Variants in EML1 observed in about 807,000 individuals in gnomAD.
EML1 encodes the protein echinoderm microtubule-associated protein-like 1.
Under a neutral mutation model 110.4 loss-of-function variants are expected in EML1, and 27 were observed. That is an observed-to-expected ratio of 0.24 (90% confidence interval 0.18 to 0.34). The LOEUF is 0.34. EML1 is among the 10% of genes least tolerant of loss of function. The probability of loss-of-function intolerance (pLI) is 1.00; values close to 1 mark genes in which losing one functional copy is unlikely to be tolerated. For missense variants in EML1, 741 were observed against 1,030.9 expected, an observed-to-expected ratio of 0.72 and a Z score of 3.85; for synonymous variants, 344 against 385.8, an observed-to-expected ratio of 0.89 and a Z score of 1.27.
chr14:99,933,822 G>A (rs1382796154), intron 17 of EML1, among the ~76,000 whole-genome samples: 5 of 152,224 alleles, frequency 3.3e-5, no homozygotes, highest in African/African-American at 7.2e-5. Context: ...GGCCGGGCAC[G>A]GTGGCTCACG....
intron 1 of EML1, among the ~76,000 whole-genome samples, chr14:99,744,806 A>G (rs886132995): frequency 3.3e-5 from 5 of 152,246 alleles, no homozygotes; most frequent in African/African-American, 1.2e-4. Flanking sequence ...AACCTTAGCC[A>G]GAAATATCTT....
chr14:99,931,383 G>A (rs2060364840), intron 17 of EML1, among the ~76,000 whole-genome samples: 1 of 152,196 alleles, frequency 6.6e-6, no homozygotes, highest in East Asian at 1.9e-4. Context: ...CATCTGCAGA[G>A]CAAGTCTAAT....
At chr14:99,742,590 G>A (rs533506445) in intron 1 of EML1, among the ~76,000 whole-genome samples, 8 of 152,110 alleles carry the variant, frequency 5.3e-5, no homozygotes, top group Non-Finnish European at 1.2e-4. Flanking sequence ...AGTGGAGGCT[G>A]AGCCTGATAC....
chr14:99,796,599 C>A (rs577686085), intron 1 of EML1, among the ~76,000 whole-genome samples: 2 of 150,978 alleles, frequency 1.3e-5, no homozygotes, highest in East Asian at 3.9e-4. Context: ...CTCAAGCAGT[C>A]CTACCTCAGT....
chr14:99,877,040 G>A (rs768298698), intron 3 of EML1, among the ~76,000 whole-genome samples: 1 of 152,170 alleles, frequency 6.6e-6, no homozygotes, highest in Admixed American at 6.5e-5. Flanking sequence ...TTGGGTTGCT[G>A]TAACAAAGTC....
intron 1 of EML1, chr14:99,839,202 G>C (rs2058594855): frequency 6.6e-6 from 1 of 152,126 alleles, no homozygotes; most frequent in Non-Finnish European, 1.5e-5. Flanking sequence ...TAACGGGCCT[G>C]AAGTTGTGTT....
intron 1 of EML1, among the ~76,000 whole-genome samples, chr14:99,744,514 C>G (rs190930813): frequency 1.4e-4 from 22 of 152,320 alleles, no homozygotes; most frequent in African/African-American, 4.3e-4. Context: ...GTCTGCACCC[C>G]TTTCATTGAG....
At chr14:99,896,086 A>C (rs1223506205) in intron 6 of EML1, among the ~76,000 whole-genome samples, 1 of 152,068 alleles carries the variant, frequency 6.6e-6, no homozygotes, top group African/African-American at 2.4e-5. Context: ...TTAATTGTTG[A>C]TTATTTTTCC....
intron 11 of EML1, among the ~76,000 whole-genome samples, chr14:99,909,859 G>A (rs2059917560): frequency 6.6e-6 from 1 of 152,100 alleles, no homozygotes; most frequent in African/African-American, 2.4e-5. Flanking sequence ...TTTTCCCGGG[G>A]GTCCATCTGC....
upstream of EML1, among the ~76,000 whole-genome samples, chr14:99,772,267 C>G (rs897762291): frequency 2.0e-5 from 3 of 152,238 alleles, no homozygotes; most frequent in Admixed American, 6.5e-5. Context: ...TTTTAATATG[C>G]CTTGCAAACT....
At chr14:99,834,433 C>G (rs2058507814) in intron 1 of EML1, among the ~76,000 whole-genome samples, 1 of 152,028 alleles carries the variant, frequency 6.6e-6, no homozygotes. Context: ...TCCTGAGTAG[C>G]TGGGACTACA....
At chr14:99,828,609 A>T (rs2058399018) in intron 1 of EML1, among the ~76,000 whole-genome samples, 1 of 152,192 alleles carries the variant, frequency 6.6e-6, no homozygotes, top group Non-Finnish European at 1.5e-5. Flanking sequence ...ATATATATAC[A>T]CTTGACCCTT....
chr14:99,917,958 A>G, intron 16 of EML1, 109 bp downstream of exon 16: 1 of 1,104,342 alleles, frequency 9.1e-7, no homozygotes, highest in East Asian at 2.4e-5. Flanking sequence ...TACATGTTCG[A>G]AGCTTCTAAT....
At chr14:99,894,468 A>T (rs916494789) in intron 5 of EML1, 161 bp from the exon 6 acceptor site, 79 of 905,494 alleles carry the variant, frequency 8.7e-5, no homozygotes, top group Admixed American at 4.1e-4. Context: ...TTTGTTTCAA[A>T]CTGTTTATTT....
rs1416345993 is a variant in EML1, at chr14:99,784,066, T to C, written c.-27+10053T>C. Among the ~76,000 whole-genome samples the C allele has an allele frequency of 6.6e-6, 1 of 152,206 alleles. No homozygotes were observed. The highest frequency in any genetic ancestry group is 2.4e-5 in the African/African-American group (1 of 41,456). The stretch of plus-strand genomic sequence containing the variant: ...AATTAGAGACAATCACAACATCAAG[T>C]TTCCTAAATGTAAGGACTTTTTCTT... On this transcript the variant is annotated intron_variant, in intron 1 of 22. Coordinates refer to the EML1 transcript ENST00000327921. The surrounding 1 kb of genome is among the most constrained non-coding windows in gnomAD (Gnocchi z 4.5).
chr14:99,903,583 T>C (rs1327571085), intron 9 of EML1, among the ~76,000 whole-genome samples: 1 of 152,136 alleles, frequency 6.6e-6, no homozygotes, highest in Non-Finnish European at 1.5e-5. Flanking sequence ...CACTAAGTCA[T>C]ATCAGAATTA....
At position 99,898,425 on chromosome 14, in the gene EML1, C is replaced by A. The variant is rs1271088547; in HGVS notation, c.897+123C>A. On this transcript the variant is annotated intron_variant, in intron 8 of 21. Coordinates refer to ENST00000262233, the MANE Select transcript of EML1 (RefSeq NM_004434.3). Reference sequence around the variant, plus strand: ...ATTATGGTATCTGAAAACTTCTGAACCCCTCACTAGAATTTTTTATTGTAA... The same window carrying A: ...ATTATGGTATCTGAAAACTTCTGAAACCCTCACTAGAATTTTTTATTGTAA... The A allele has an allele frequency of 5.5e-6, 5 of 904,600 alleles. No individual in the cohort carries two copies. In the East Asian group the frequency reaches 1.1e-4, roughly 20 times the overall value. 56.0% of individuals were successfully genotyped at this position (904,600 alleles called of 1,614,324 possible). A position where few individuals can be genotyped will look rare whatever the true frequency, so the allele number is the denominator to read the frequency against.
intron 17 of EML1, among the ~76,000 whole-genome samples, chr14:99,935,610 C>T (rs1193298045): frequency 2.0e-5 from 3 of 152,026 alleles, no homozygotes; most frequent in African/African-American, 4.8e-5. Flanking sequence ...GTTGAAACCT[C>T]GTCTCTACCG....
In EML1 at chr14:99,911,474, T is replaced by C. The variant is rs768999249; in HGVS notation, c.1392T>C (p.Phe464=). 5 of 1,612,358 alleles carry C rather than the reference T, an allele frequency of 3.1e-6. No homozygotes were observed. The highest frequency in any genetic ancestry group is 4.2e-6 in the Non-Finnish European group (5 of 1,179,818). The change falls in exon 13 of 22, where the codon TTT becomes TTC. Residue 464 remains phenylalanine (F), a synonymous_variant. Coordinates refer to ENST00000262233, the MANE Select transcript of EML1 (RefSeq NM_004434.3). ...AVQGAHEGGI[F]ALCMLRDGTL... is the part of the protein sequence containing the mutation. ...AGGGGGCCCATGAGGGTGGCATTTT[T>C]GCACTTTGTATGTTAAGAGATGGCA...
Sources: gnomAD v4.1 joint callset for allele counts (sites outside exome capture counted in the v4.1 genomes callset) on GRCh38, gnomAD v4.1.1 for gene constraint, Gnocchi (gnomAD v3.1) non-coding constraint, MANE v1.5 for transcripts, NCBI Gene and HGNC (gene_info 2026-07-23, HGNC 2026-07-21) for gene names.